The following SLC24A4 variants were observed in gnomAD, a reference collection of about 807,000 sequenced individuals.
SLC24A4 encodes solute carrier family 24 member 4.
A neutral mutation model predicts 79.0 loss-of-function variants in SLC24A4; 53 were observed. The ratio of observed to expected loss-of-function variants is 0.67; its 90% CI spans 0.54 to 0.84. The LOEUF (loss-of-function observed/expected upper bound fraction) is 0.84, where lower values mean the gene tolerates loss of function less well. Among genes scored for constraint, SLC24A4 ranks in the 40% least tolerant of loss-of-function variants. The pLI is 0.00. For missense variants in SLC24A4, 731 were observed against 822.0 expected (o/e 0.89, Z 1.35); for synonymous variants, 323 against 323.8 (o/e 1.00, Z 0.03).
intron 12 of SLC24A4, among the ~76,000 whole-genome samples, chr14:92,480,914 A>G (rs1032394252): frequency 2.1e-4 from 32 of 152,086 alleles, no homozygotes; most frequent in African/African-American, 7.7e-4. Context: ...TTCTAAACTA[A>G]TTCTGTAAAA....
intron 2 of SLC24A4, among the ~76,000 whole-genome samples, chr14:92,355,145 CT>C (rs1887105712): frequency 6.6e-6 from 1 of 152,106 alleles, no homozygotes; most frequent in African/African-American, 2.4e-5. Flanking sequence ...CCCTAGAGTA[CT>C]TGTTGGGGTG....
At chr14:92,429,409 C>T (rs1891738570) in intron 2 of SLC24A4, among the ~76,000 whole-genome samples, 1 of 152,032 alleles carries the variant, frequency 6.6e-6, no homozygotes, top group South Asian at 2.1e-4. Context: ...TTGATCTGTT[C>T]ATTTATATAC....
At chr14:92,444,543 A>G (rs1450011329) in intron 7 of SLC24A4, among the ~76,000 whole-genome samples, 1 of 152,228 alleles carries the variant, frequency 6.6e-6, no homozygotes, top group African/African-American at 2.4e-5. Context: ...AAACGATGTA[A>G]AAACTCTTTG....
rs528244142 is a variant in SLC24A4, at chr14:92,379,575, G to A, written c.241+53597G>A. Among the ~76,000 whole-genome samples the A allele has an allele frequency of 2.3e-4, 35 of 152,184 alleles. No individual in the cohort carries two copies. The South Asian group carries it at 5.6e-3, about 24-fold the overall frequency. ...CCCCTGCCCCCTCCTCCTCTCTGGC[G>A]TCTCCCCTTTCCTATCCCTCCCCAT... On this transcript the variant is annotated intron_variant, in intron 2 of 16. Coordinates refer to ENST00000532405, the MANE Select transcript of SLC24A4 (RefSeq NM_153646.4).
chr14:92,372,829 G>A (rs565514442), intron 2 of SLC24A4, among the ~76,000 whole-genome samples: 1 of 151,636 alleles, frequency 6.6e-6, no homozygotes, highest in East Asian at 1.9e-4. Flanking sequence ...CATTACATTT[G>A]CACCTTGCTA....
Position 92,400,309 on chromosome 14 carries a change from T to G in SLC24A4, c.242-33603T>G, listed in dbSNP as rs527261016. On this transcript the variant is annotated intron_variant, in intron 2 of 16. Transcript: ENST00000532405. ...CAAAAACTAGCTGGGCATGGTGGCA[T>G]GCGCCTGTAGTCCCAGCTACTCGGG... Among the ~76,000 whole-genome samples, 180 of 151,726 alleles carry G rather than the reference T, an allele frequency of 1.2e-3. No individual in the cohort carries two copies. The East Asian group carries it at 0.025, about 21-fold the overall frequency.
chr14:92,328,031 C>T (rs1211944463), intron 2 of SLC24A4, among the ~76,000 whole-genome samples: 2 of 151,448 alleles, frequency 1.3e-5, no homozygotes, highest in Non-Finnish European at 2.9e-5. Flanking sequence ...ACAAGATACA[C>T]GAAGTTCAGA....
At chr14:92,360,194 T>C (rs1243928872) in intron 2 of SLC24A4, among the ~76,000 whole-genome samples, 9 of 152,254 alleles carry the variant, frequency 5.9e-5, no homozygotes, top group African/African-American at 2.2e-4. Flanking sequence ...AGTGCTGAGA[T>C]TACAGGCATG....
chr14:92,378,740 A>G (rs749858737), intron 2 of SLC24A4, among the ~76,000 whole-genome samples: 2 of 152,214 alleles, frequency 1.3e-5, no homozygotes, highest in African/African-American at 4.8e-5. Context: ...AATGAAGCAG[A>G]TGTTTTTATT....
At chr14:92,472,958 G>A (rs1894519001) in intron 12 of SLC24A4, among the ~76,000 whole-genome samples, 1 of 152,162 alleles carries the variant, frequency 6.6e-6, no homozygotes, top group South Asian at 2.1e-4. Context: ...CTTGCCCCAT[G>A]AAAGCCACAA....
chr14:92,378,573 T>A (rs377459380), intron 2 of SLC24A4, among the ~76,000 whole-genome samples: 3 of 152,222 alleles, frequency 2.0e-5, no homozygotes, highest in African/African-American at 7.2e-5. Flanking sequence ...AGCTTTCTGT[T>A]AGATTGTCTT....
intron 2 of SLC24A4, among the ~76,000 whole-genome samples, chr14:92,360,425 T>C (rs1887442759): frequency 6.6e-6 from 1 of 152,206 alleles, no homozygotes; most frequent in Non-Finnish European, 1.5e-5. Context: ...TACTCAGCAC[T>C]ATTAGTTTTG....
intron 2 of SLC24A4, among the ~76,000 whole-genome samples, chr14:92,379,808 G>A (rs1486440848): frequency 6.6e-6 from 1 of 152,018 alleles, no homozygotes; most frequent in Admixed American, 6.6e-5. Context: ...CCTCCCCATC[G>A]CACACTGACC....
At chr14:92,355,042 C>G (rs776960932) in intron 2 of SLC24A4, among the ~76,000 whole-genome samples, 10 of 152,298 alleles carry the variant, frequency 6.6e-5, no homozygotes, top group African/African-American at 1.9e-4. Context: ...CCATTGCACT[C>G]CAACCTGTGT....
intron 11 of SLC24A4, among the ~76,000 whole-genome samples, chr14:92,456,174 C>T (rs560610133): frequency 2.0e-5 from 3 of 152,188 alleles, no homozygotes; most frequent in Non-Finnish European, 2.9e-5. Flanking sequence ...GAAGGGGTGG[C>T]CCAGGCCCTC....
chr14:92,480,989 G>C (rs972954046), intron 12 of SLC24A4, among the ~76,000 whole-genome samples: 2 of 152,204 alleles, frequency 1.3e-5, no homozygotes, highest in Non-Finnish European at 2.9e-5. Flanking sequence ...GTCAGCTAAT[G>C]ATTAGACAGA....
intron 2 of SLC24A4, among the ~76,000 whole-genome samples, chr14:92,333,583 A>T (rs1235918373): frequency 1.3e-5 from 2 of 152,198 alleles, no homozygotes; most frequent in Non-Finnish European, 2.9e-5. Flanking sequence ...TCCTTCTTCC[A>T]AATACATCTT....
At chr14:92,389,968 T>A (rs1313472167) in intron 2 of SLC24A4, among the ~76,000 whole-genome samples, 2 of 152,186 alleles carry the variant, frequency 1.3e-5, no homozygotes, top group African/African-American at 4.8e-5. Flanking sequence ...GACTTGCGCC[T>A]CTTCTGCTCA....
intron 2 of SLC24A4, among the ~76,000 whole-genome samples, chr14:92,354,353 G>A (rs1211433033): frequency 1.3e-5 from 2 of 151,968 alleles, no homozygotes; most frequent in Non-Finnish European, 2.9e-5. Context: ...GGGTTTCACT[G>A]TATTAGTCAG....
Sources: gnomAD v4.1 joint callset for allele counts (sites outside exome capture counted in the v4.1 genomes callset) on GRCh38, gnomAD v4.1.1 for gene constraint, MANE v1.5 for transcripts, NCBI Gene and HGNC (gene_info 2026-07-23, HGNC 2026-07-21) for gene names.